Variants in ANO1 observed in about 807,000 individuals in gnomAD.
The protein encoded by ANO1 is anoctamin 1.
In ANO1, 59 loss-of-function variants were observed where a neutral mutation model predicts 124.0. That is an observed-to-expected ratio of 0.48 (90% CI 0.39 to 0.59). The LOEUF (loss-of-function observed/expected upper bound fraction) is 0.59, where lower values mean the gene tolerates loss of function less well. Among genes scored for constraint, ANO1 ranks in the 20% least tolerant of loss-of-function variants. The pLI is 0.00. For missense variants in ANO1, 1,059 were observed against 1,328.0 expected (o/e 0.80, Z 3.15); for synonymous variants, 529 against 532.0 (o/e 0.99, Z 0.08).
At chr11:70,027,911 G>A (rs11826192) in intron 1 of ANO1, among the ~76,000 whole-genome samples, 40,738 of 152,032 alleles carry the variant, frequency 0.27, 6,005 homozygotes, top group East Asian at 0.63. Context: ...TTCGTCTGTA[G>A]AAAGCCATTT....
chr11:70,186,395 G>GAAGGAAGGAAGGAAGGAAGAAAGA (rs1251399539), intron 25 of ANO1, among the ~76,000 whole-genome samples: 24 of 146,090 alleles, frequency 1.6e-4, no homozygotes, highest in African/African-American at 5.7e-4. Context: ...AGGAAGGAAG[G>GAAGGAAGGAAGGAAGGAAGAAAGA]AAGAAAGACA....
chr11:69,973,558 T>G, the ANO1 span, among the ~76,000 whole-genome samples: 2 of 152,118 alleles, frequency 1.3e-5, no homozygotes, highest in African/African-American at 4.8e-5. Context: ...ATCTTCTACT[T>G]TATTGCAGGC....
At chr11:70,162,266 G>A (rs184557122) in intron 18 of ANO1, among the ~76,000 whole-genome samples, 34 of 144,604 alleles carry the variant, frequency 2.4e-4, no homozygotes, top group Middle Eastern at 4.3e-3. Context: ...TGAGGGCCCC[G>A]GACAGTGGGG....
intron 1 of ANO1, among the ~76,000 whole-genome samples, chr11:70,018,633 T>C (rs1856743687): frequency 6.6e-6 from 1 of 152,120 alleles, no homozygotes; most frequent in South Asian, 2.1e-4. Flanking sequence ...GGCTTGGACA[T>C]TGGAAGCACA....
rs552745754 is a variant in ANO1 at position 70,139,872 on chromosome 11, T to A, written c.1258+7793T>A. Among the ~76,000 whole-genome samples the A allele has an allele frequency of 7.2e-5, 11 of 152,374 alleles. No individual in the cohort carries two copies. In the East Asian group the frequency reaches 2.1e-3, roughly 29 times the overall value. On this transcript the variant is annotated intron_variant, in intron 11 of 25. Coordinates refer to ENST00000355303, the MANE Select transcript of ANO1 (RefSeq NM_018043.7). ...ACTCTAGGCCCTACTCCGCGGGCAT[T>A]ACTAACTGGCTCCGGCTGGCGTGTG... is the stretch of plus-strand genomic sequence containing the variant.
intron 11 of ANO1, among the ~76,000 whole-genome samples, chr11:70,139,579 C>T (rs1390637620): frequency 6.6e-6 from 1 of 152,188 alleles, no homozygotes; most frequent in Non-Finnish European, 1.5e-5. Flanking sequence ...CTACCTCAGC[C>T]TCCCAAAGTG....
In ANO1 at chr11:70,124,355, G is replaced by A. The variant is rs1306344961; in HGVS notation, c.903G>A (p.Leu301=). ...ENVEFNDRKL[L]YEEWARYGVF... is the part of the protein sequence containing the mutation. ...CACTGCTTCCTCCCCCTCAGCTCCTGTACGAAGAGTGGGCACGCTATGGAG... is the reference window on the plus strand; with the variant it reads ...CACTGCTTCCTCCCCCTCAGCTCCTATACGAAGAGTGGGCACGCTATGGAG... The change falls in exon 9 of 26, where the codon CTG becomes CTA. Residue 301 remains leucine (L), a synonymous_variant. Transcript: ENST00000355303. The A allele has an allele frequency of 5.6e-6, 9 of 1,613,842 alleles. No homozygotes were observed. The highest frequency in any genetic ancestry group is 1.6e-4 in the Middle Eastern group (1 of 6,062).
intron 8 of ANO1, among the ~76,000 whole-genome samples, chr11:70,119,710 T>A (rs2046172362): frequency 6.6e-6 from 1 of 151,164 alleles, no homozygotes. Flanking sequence ...AATAGATGGA[T>A]GCCGGAGGGA....
In ANO1 at chr11:70,060,062, G is replaced by A. The variant is rs971858352; in HGVS notation, c.59-18480G>A. Among the ~76,000 whole-genome samples the A allele has an allele frequency of 6.6e-5, 10 of 150,980 alleles. 1 individual carries two copies. The highest frequency in any genetic ancestry group is 1.5e-4 in the Non-Finnish European group (10 of 67,840). On this transcript the variant is annotated intron_variant, in intron 1 of 27. Coordinates refer to the ANO1 transcript ENST00000531349. ...TATAATGAATGACTCCAGCCTTGGC[G>A]GCAGGAGAGCAGTCTTAAGGAGAGC...
At chr11:69,976,564 A>AGT in the ANO1 span, among the ~76,000 whole-genome samples, 2 of 143,116 alleles carry the variant, frequency 1.4e-5, no homozygotes, top group Admixed American at 7.0e-5. Context: ...AGAGAGAGAG[A>AGT]GAGAGATTAG....
At chr11:70,071,291 A>G (rs1353273874) in intron 1 of ANO1, among the ~76,000 whole-genome samples, 2 of 152,190 alleles carry the variant, frequency 1.3e-5, no homozygotes, top group Non-Finnish European at 2.9e-5. Context: ...AGGGTCCAAT[A>G]TGAGCCCACA....
intron 4 of ANO1, among the ~76,000 whole-genome samples, chr11:70,105,458 G>A (rs1274728374): frequency 6.6e-6 from 1 of 151,922 alleles, no homozygotes; most frequent in Non-Finnish European, 1.5e-5. Context: ...CTGGGGGGCT[G>A]TGGGGGGTGG....
upstream of ANO1, among the ~76,000 whole-genome samples, chr11:70,075,756 G>T (rs2044049338): frequency 6.6e-6 from 1 of 152,230 alleles, no homozygotes; most frequent in African/African-American, 2.4e-5. Context: ...CGTATAAGCA[G>T]TTAGTGACTG....
At chr11:70,010,188 T>TATGTATATACATATCAC (rs1856575612) in intron 1 of ANO1, among the ~76,000 whole-genome samples, 1 of 138,010 alleles carries the variant, frequency 7.2e-6, no homozygotes, top group African/African-American at 2.7e-5. Context: ...TGTATATATA[T>TATGTATATACATATCAC]ATATATATAT....
chr11:70,120,260 A>C (rs2046204416), intron 8 of ANO1, among the ~76,000 whole-genome samples: 2 of 152,140 alleles, frequency 1.3e-5, no homozygotes, highest in African/African-American at 2.4e-5. Context: ...TGGCCTGATC[A>C]TGGGGCCACA....
chr11:70,175,272 T>G (rs1191799643), intron 22 of ANO1, among the ~76,000 whole-genome samples: 1 of 152,260 alleles, frequency 6.6e-6, no homozygotes, highest in Admixed American at 6.5e-5. Flanking sequence ...GATCAGCTAC[T>G]CACTTCCTGG....
At chr11:70,149,631 C>T in intron 11 of ANO1, 79 bp from the exon 12 acceptor site, 1 of 1,446,818 alleles carries the variant, frequency 6.9e-7, no homozygotes, top group Non-Finnish European at 9.4e-7. Context: ...GCCTGGGCAA[C>T]AAGAGCAAAA....
At chr11:70,064,447 T>G (rs1555008215) in intron 1 of ANO1, 1 of 152,300 alleles carries the variant, frequency 6.6e-6, no homozygotes, top group Non-Finnish European at 1.5e-5. Context: ...GTTTTTGCCC[T>G]GATTTTTCAG....
chr11:70,116,339 A>T, intron 7 of ANO1, 119 bp from the exon 8 acceptor site: 1 of 1,053,242 alleles, frequency 9.5e-7, no homozygotes, highest in Non-Finnish European at 1.4e-6. Context: ...TTGCCCCAGG[A>T]TGATCTTAAT....
Sources: allele counts gnomAD v4.1 joint callset (sites outside exome capture counted in the v4.1 genomes callset), GRCh38; gene constraint gnomAD v4.1.1; transcripts MANE v1.5; gene names NCBI Gene and HGNC (gene_info 2026-07-23, HGNC 2026-07-21).